APPL2: variants seen among roughly 807,000 people sequenced by gnomAD.
APPL2 encodes DCC-interacting protein 13-beta.
Under a neutral mutation model 92.7 loss-of-function variants are expected in APPL2, and 84 were observed. The observed-to-expected ratio is 0.91, with a 90% CI of 0.76 to 1.09. APPL2 has a LOEUF of 1.09. Ranked by LOEUF, APPL2 falls within the 50% of genes least tolerant of loss-of-function variation. APPL2 has a pLI of 0.00. For missense variants in APPL2, 736 were observed against 824.5 expected (o/e 0.89, Z 1.31); for synonymous variants, 291 against 291.0 (o/e 1.00, Z 0.00).
chr12:105,208,710 T>C (rs992466572), intron 5 of APPL2, among the ~76,000 whole-genome samples: 20 of 152,184 alleles, frequency 1.3e-4, no homozygotes, highest in Non-Finnish European at 2.5e-4. Context: ...CATACTGTAG[T>C]TGCGACAAGC....
rs1049462170 is a variant in APPL2, at chr12:105,190,199, A to G, written c.1242-44T>C. Reference sequence around the variant, plus strand: ...AATTCCCTTAACCTTACGCTTTTATAATCAAGTGAATACTTGTTGAAGGCT... The same window carrying G: ...AATTCCCTTAACCTTACGCTTTTATGATCAAGTGAATACTTGTTGAAGGCT... On this transcript the variant is annotated intron_variant, in intron 14 of 20. Coordinates refer to ENST00000258530, the MANE Select transcript of APPL2 (RefSeq NM_018171.5). The G allele has an allele frequency of 4.4e-6, 7 of 1,574,104 alleles. No homozygotes were observed. The African/African-American group carries it at 9.5e-5, about 21-fold the overall frequency.
At chr12:105,198,189 C>T (rs779406297) in intron 10 of APPL2, among the ~76,000 whole-genome samples, 2 of 152,176 alleles carry the variant, frequency 1.3e-5, no homozygotes, top group Non-Finnish European at 2.9e-5. Context: ...CCAGGGCCGA[C>T]TCCCCGCACC....
chr12:105,236,018 G>A lies in APPL2; in HGVS notation c.-6C>T, dbSNP rs762638464. The A allele has an allele frequency of 6.7e-5, 84 of 1,246,896 alleles. No homozygotes were observed. In the African/African-American group the frequency reaches 1.3e-3, roughly 19 times the overall value. The allele number at this position is 1,246,896 out of a possible 1,614,324, so 77.2% of individuals were successfully genotyped here. On this transcript the variant is annotated 5_prime_UTR_variant, in exon 1 of 21. Transcript: ENST00000258530. ...AGCTTGTCCACGGCGGGCATGGTGC[G>A]GCGCGGCTCAGCCGAGGGCTGGGTT...
intron 11 of APPL2, among the ~76,000 whole-genome samples, chr12:105,196,951 A>AG (rs1350910935): frequency 2.0e-5 from 3 of 152,202 alleles, no homozygotes; most frequent in Non-Finnish European, 4.4e-5. Context: ...TGAGGTCTAA[A>AG]GCTGCTCTGC....
At chr12:105,198,612 T>C (rs956862053) in intron 10 of APPL2, among the ~76,000 whole-genome samples, 1 of 152,206 alleles carries the variant, frequency 6.6e-6, no homozygotes, top group Non-Finnish European at 1.5e-5. Context: ...ACACATTTAC[T>C]TGGCTCAGTA....
chr12:105,235,141 C>T (rs12299366), intron 1 of APPL2: 18,153 of 152,140 alleles, frequency 0.12, 1,231 homozygotes, highest in African/African-American at 0.18. Flanking sequence ...TAAATAAACC[C>T]GGGATGCTGA....
At chr12:105,222,540 G>A (rs1012286877) in intron 2 of APPL2, among the ~76,000 whole-genome samples, 4 of 152,218 alleles carry the variant, frequency 2.6e-5, no homozygotes, top group Non-Finnish European at 5.9e-5. Context: ...CCAAGGAACT[G>A]AGGAGGGGAT....
chr12:105,209,208 G>A (rs1044524751), intron 5 of APPL2, among the ~76,000 whole-genome samples: 4 of 152,082 alleles, frequency 2.6e-5, no homozygotes, highest in Non-Finnish European at 4.4e-5. Flanking sequence ...AATAAAGGCC[G>A]AGAAATGTAA....
chr12:105,188,232 G>C, intron 17 of APPL2, 41 bp downstream of exon 17: 2 of 1,602,378 alleles, frequency 1.2e-6, no homozygotes, highest in Non-Finnish European at 1.7e-6. Flanking sequence ...AGGGGAATTA[G>C]CTGAAGCCAT....
In APPL2 at chr12:105,182,417, CT is replaced by C. The variant is rs1886199717; in HGVS notation, c.1635-5156del. 2.0e-5 allele frequency among the ~76,000 whole-genome samples: 3 copies of C among 152,330 alleles called. No homozygotes were observed. In the South Asian group the frequency reaches 6.2e-4, roughly 32 times the overall value. ...TGCATTTAGTGCTATAAAAACATTG[CT>C]TTAGCTGTGTTCCAGAGATTGTGGT... On this transcript the variant is annotated intron_variant, in intron 17 of 20. Coordinates refer to ENST00000258530, the MANE Select transcript of APPL2 (RefSeq NM_018171.5).
In APPL2 at chr12:105,211,317, G is replaced by C; in HGVS notation, c.286C>G (p.Leu96Val). The change falls in exon 5 of 21, where the codon CTT becomes GTT. Residue 96 changes from leucine (L) to valine (V), a missense_variant and splice_region_variant. Leu to Val is a conservative substitution (Grantham distance 32, BLOSUM62 1). Transcript: ENST00000258530. Reference sequence around the variant, plus strand: ...GCCAGCTCTGTATGGAGAAGATTAAGCTGAAAGAAAGAGAATGGTATTCAA... The same window carrying C: ...GCCAGCTCTGTATGGAGAAGATTAACCTGAAAGAAAGAGAATGGTATTCAA... The part of the protein sequence containing the change: ...LHYFSKVVDE[L>V]NLLHTELAKQ... 1 of 1,605,730 alleles carries C rather than the reference G, an allele frequency of 6.2e-7. No individual in the cohort carries two copies.
chr12:105,232,949 G>T, intron 1 of APPL2: 1 of 345,604 alleles, frequency 2.9e-6, no homozygotes, highest in Non-Finnish European at 4.1e-6. Context: ...CTCCCAGCCG[G>T]GCCACTCAAC....
At chr12:105,196,058 C>CAAAAAAAAAAAAA (rs371863529) in intron 11 of APPL2, among the ~76,000 whole-genome samples, 1 of 121,618 alleles carries the variant, frequency 8.2e-6, no homozygotes, top group African/African-American at 3.1e-5. Flanking sequence ...CTATCTCAAA[C>CAAAAAAAAAAAAA]AAAAAAAAAA....
chr12:105,192,740 T>C (rs1887320545), intron 14 of APPL2, among the ~76,000 whole-genome samples: 1 of 152,192 alleles, frequency 6.6e-6, no homozygotes, highest in South Asian at 2.1e-4. Flanking sequence ...TCATTTTAAC[T>C]CAGCCTGTGC....
At chr12:105,228,446 A>T (rs1030781159) in intron 2 of APPL2, among the ~76,000 whole-genome samples, 1 of 152,230 alleles carries the variant, frequency 6.6e-6, no homozygotes, top group African/African-American at 2.4e-5. Context: ...ATCAACACAT[A>T]AGATTTAAGT....
At chr12:105,195,723 A>G in intron 11 of APPL2, 96 bp from the exon 12 acceptor site, 2 of 1,386,618 alleles carry the variant, frequency 1.4e-6, no homozygotes, top group Non-Finnish European at 2.0e-6. Context: ...TGTGGGAGGA[A>G]AAGTGCCATG....
intron 17 of APPL2, among the ~76,000 whole-genome samples, chr12:105,186,722 T>TATCATATATC (rs1886756550): frequency 2.4e-5 from 2 of 84,298 alleles, no homozygotes; most frequent in South Asian, 4.1e-4. Flanking sequence ...ATATCATATA[T>TATCATATATC]ATATCATATA....
intron 2 of APPL2, among the ~76,000 whole-genome samples, chr12:105,217,967 G>C (rs1889822836): frequency 1.3e-5 from 2 of 152,078 alleles, no homozygotes; most frequent in South Asian, 4.2e-4. Context: ...AATTATCCAG[G>C]CAGGATGGCA....
chr12:105,219,320 T>C (rs762123139), intron 2 of APPL2, among the ~76,000 whole-genome samples: 1 of 152,230 alleles, frequency 6.6e-6, no homozygotes, highest in Non-Finnish European at 1.5e-5. Context: ...TAGGCATTAA[T>C]AGACCAGGAA....
Sources: allele counts gnomAD v4.1 joint callset (sites outside exome capture counted in the v4.1 genomes callset), GRCh38; gene constraint gnomAD v4.1.1; transcripts MANE v1.5; gene names NCBI Gene and HGNC (gene_info 2026-07-23, HGNC 2026-07-21).